CCDC32: variants seen among roughly 807,000 people sequenced by gnomAD.
CCDC32 encodes the protein coiled-coil domain-containing protein 32.
A neutral mutation model predicts 20.1 loss-of-function variants in CCDC32; 9 were observed. The ratio of observed to expected loss-of-function variants is 0.45; its 90% CI spans 0.27 to 0.78. The LOEUF (loss-of-function observed/expected upper bound fraction) is 0.78, where lower values mean the gene tolerates loss of function less well. CCDC32 is among the 30% of genes least tolerant of loss of function. CCDC32 has a pLI of 0.16. For synonymous variants in CCDC32, 63 were observed against 79.0 expected (o/e 0.80, Z 1.07); for missense variants, 204 against 215.5 (o/e 0.95, Z 0.33).
chr15:40,529,797 GA>G (rs777505038), intron 3 of CCDC32: 7 of 150,270 alleles, frequency 4.7e-5, no homozygotes, highest in Non-Finnish European at 1.0e-4. Flanking sequence ...GAGTAGCTGG[GA>G]CTACAGGCAC....
At chr15:40,559,556 A>T (rs9806410) in intron 2 of CCDC32, among the ~76,000 whole-genome samples, 6,483 of 152,072 alleles carry the variant, frequency 0.043, 188 homozygotes, top group East Asian at 0.12. Flanking sequence ...AAGCATTGCT[A>T]TCCTATCTTT....
chr15:40,551,233 T>C (rs1194546530), downstream of CCDC32, among the ~76,000 whole-genome samples: 1 of 151,934 alleles, frequency 6.6e-6, no homozygotes, highest in African/African-American at 2.4e-5. Context: ...ATACAAAAAA[T>C]TAGCCGGGCG....
At chr15:40,549,934 T>C (rs1889775180), downstream of CCDC32, among the ~76,000 whole-genome samples, 2 of 152,206 alleles carry the variant, frequency 1.3e-5, no homozygotes. Flanking sequence ...CTTCCAGCAA[T>C]GGTCCTGGTG....
downstream of CCDC32, among the ~76,000 whole-genome samples, chr15:40,533,137 T>C (rs934879069): frequency 1.3e-5 from 2 of 152,214 alleles, no homozygotes; most frequent in African/African-American, 4.8e-5. Context: ...TTATCTTGTT[T>C]GACCCTCATG....
In CCDC32 at chr15:40,557,291, T is replaced by C. The variant is rs1211093536; in HGVS notation, c.326A>G (p.Lys109Arg). ...CTGGAGGAACCGATCCCAGCATTCCTTCTTGGCTTGGGCCAGAGTTCGAAG... is the reference window on the plus strand; with the variant it reads ...CTGGAGGAACCGATCCCAGCATTCCCTCTTGGCTTGGGCCAGAGTTCGAAG... ...DMLRTLAQAK[K>R]ECWDRFLQEK... The change falls in exon 3 of 4, where the codon AAG (lysine) becomes AGG (arginine). Residue 109 changes from lysine (K) to arginine (R), a missense_variant. By Grantham distance (26) the Lys-to-Arg change is conservative. Transcript: ENST00000416810. 19 of 1,614,114 alleles carry C rather than the reference T, an allele frequency of 1.2e-5. No homozygotes were observed. The highest frequency in any genetic ancestry group is 1.5e-5 in the Non-Finnish European group (18 of 1,180,042).
Position 40,557,366 on chromosome 15 carries a change from T to G in CCDC32, c.251A>C (p.Lys84Thr), listed in dbSNP as rs372911877. The change falls in exon 3 of 4, where the codon AAG becomes ACG. Residue 84 changes from lysine to threonine, a missense_variant. By Grantham distance (78) the Lys-to-Thr change is moderately conservative. Coordinates refer to ENST00000416810, the MANE Select transcript of CCDC32 (RefSeq NM_001080792.4). The stretch of plus-strand genomic sequence containing the variant: ...ATTTAAACCTTTGATTCTTCTTAGC[T>G]TCTTCTCTAGAGAGAGAAGTAGAGC... ...SEVYLASLEK[K>T]LRRIKGLNQE... The G allele has an allele frequency of 3.1e-6, 5 of 1,610,476 alleles. No homozygotes were observed. The East Asian group carries it at 6.7e-5, about 22-fold the overall frequency.
At chr15:40,561,076 G>A (rs1346871664) in intron 2 of CCDC32, among the ~76,000 whole-genome samples, 1 of 152,156 alleles carries the variant, frequency 6.6e-6, no homozygotes, top group Non-Finnish European at 1.5e-5. Context: ...AGATGGAGCT[G>A]GAGGCCATTA....
rs1238047382 is a variant in CCDC32, at chr15:40,553,983, T to C, written c.546A>G (p.Ala182=). The C allele has an allele frequency of 1.2e-6, 2 of 1,605,568 alleles. No individual in the cohort carries two copies. Among genetic ancestry groups the C allele is most frequent in the Admixed American group, 1.7e-5 (1 of 59,436 alleles). Residue 182 remains alanine, a synonymous_variant, in exon 4 of 4, where the codon GCA becomes GCG. Coordinates refer to ENST00000416810, the MANE Select transcript of CCDC32 (RefSeq NM_001080792.4). Reference sequence around the variant, plus strand: ...GTGTGTGTGTAATTTACTGTTCTGCTGCTGCTGGCTTGTCCCCGGCTGCTG... The same window carrying C: ...GTGTGTGTGTAATTTACTGTTCTGCCGCTGCTGGCTTGTCCCCGGCTGCTG... ...DEPAAGDKPA[A]AEQ
At chr15:40,522,185 T>C in the CCDC32 span, among the ~76,000 whole-genome samples, 1 of 152,232 alleles carries the variant, frequency 6.6e-6, no homozygotes. Flanking sequence ...GTATATCCAG[T>C]TGTCCCAACA....
chr15:40,543,926 C>T (rs757429796), intron 3 of CCDC32, among the ~76,000 whole-genome samples: 1 of 152,198 alleles, frequency 6.6e-6, no homozygotes, highest in Non-Finnish European at 1.5e-5. Flanking sequence ...TACACAGGTA[C>T]ATTTCCACTA....
At chr15:40,549,331 C>T (rs1225428843), downstream of CCDC32, among the ~76,000 whole-genome samples, 1 of 152,222 alleles carries the variant, frequency 6.6e-6, no homozygotes, top group Non-Finnish European at 1.5e-5. Context: ...GAACTACCTT[C>T]CATCCTCCAA....
At chr15:40,539,095 A>G, downstream of CCDC32, 1 of 657,050 alleles carries the variant, frequency 1.5e-6, no homozygotes, top group Non-Finnish European at 2.6e-6. Context: ...TTCTTCATTC[A>G]GCCCAGCCCA....
At chr15:40,558,755 G>T (rs974633284) in intron 2 of CCDC32, among the ~76,000 whole-genome samples, 13 of 152,166 alleles carry the variant, frequency 8.5e-5, no homozygotes, top group African/African-American at 2.9e-4. Flanking sequence ...TTCCAAGCCA[G>T]TCTTCACTAA....
downstream of CCDC32, chr15:40,537,901 G>A (rs934013832): frequency 1.3e-5 from 2 of 152,396 alleles, no homozygotes; most frequent in African/African-American, 4.8e-5. Flanking sequence ...AGTGAGCCGA[G>A]ATGGTGCCAC....
downstream of CCDC32, among the ~76,000 whole-genome samples, chr15:40,552,670 G>A (rs1209650753): frequency 6.7e-6 from 1 of 148,872 alleles, no homozygotes; most frequent in Non-Finnish European, 1.5e-5. Context: ...AACTACTCAG[G>A]AGGCTGAGGT....
intron 3 of CCDC32, among the ~76,000 whole-genome samples, chr15:40,539,840 CCACACACACACACACACACA>C (rs142688774): frequency 5.2e-5 from 7 of 134,632 alleles, no homozygotes; most frequent in African/African-American, 1.4e-4. Context: ...CAAACTGTTG[CCACACACACACACACACACA>C]CACACACACA....
chr15:40,557,000 G>T (rs1890285679), intron 3 of CCDC32: 1 of 504,400 alleles, frequency 2.0e-6, no homozygotes, highest in South Asian at 3.3e-5. Context: ...GAACATGAGA[G>T]ACTGATTAGT....
At chr15:40,535,638 A>C, downstream of CCDC32, 2 of 985,294 alleles carry the variant, frequency 2.0e-6, no homozygotes, top group Non-Finnish European at 2.4e-6. Context: ...AAAATAGTGC[A>C]TGCTGAACAA....
chr15:40,562,684 G>A (rs1890726447), intron 2 of CCDC32, 88 bp downstream of exon 2: 2 of 1,431,502 alleles, frequency 1.4e-6, no homozygotes, highest in Non-Finnish European at 1.9e-6. Flanking sequence ...AGATACGTGT[G>A]ACAGGAATAA....
Sources: allele counts gnomAD v4.1 joint callset (sites outside exome capture counted in the v4.1 genomes callset), GRCh38; gene constraint gnomAD v4.1.1; transcripts MANE v1.5; gene names NCBI Gene and HGNC (gene_info 2026-07-23, HGNC 2026-07-21).